CPPED1: variants seen among roughly 807,000 people sequenced by gnomAD.
The protein encoded by CPPED1 is serine/threonine-protein phosphatase CPPED1.
A neutral mutation model predicts 28.0 loss-of-function variants in CPPED1; 28 were observed. The observed-to-expected ratio is 1.00, with a 90% CI of 0.74 to 1.37. CPPED1 has a LOEUF of 1.37. Among genes scored for constraint, CPPED1 ranks in the 40% most tolerant of loss-of-function variants. CPPED1 has a pLI of 0.00. For missense variants in CPPED1, 504 were observed against 416.5 expected (o/e 1.21, Z -1.83); for synonymous variants, 198 against 180.2 (o/e 1.10, Z -0.79).
intron 1 of CPPED1, among the ~76,000 whole-genome samples, chr16:12,790,157 C>T (rs1191927638): frequency 6.6e-6 from 1 of 152,188 alleles, no homozygotes; most frequent in African/African-American, 2.4e-5. Context: ...TTAATCTTTC[C>T]TATGAGCCTC....
At chr16:12,669,649 G>A (rs976995443) in intron 3 of CPPED1, among the ~76,000 whole-genome samples, 2 of 152,146 alleles carry the variant, frequency 1.3e-5, no homozygotes, top group Admixed American at 6.6e-5. Context: ...ATATACATAG[G>A]CCAGTACATA....
chr16:12,664,497 G>T lies in CPPED1; in HGVS notation c.*389C>A. On this transcript the variant is annotated 3_prime_UTR_variant, in exon 4 of 4. Transcript: ENST00000381774. The surrounding 1 kb of genome is among the most constrained non-coding windows in gnomAD (Gnocchi z 4.2). ...TACAATCAGGTGTAGTTTGTTTAAGGAATTATCAAAGATCATACTTGGCTG... is the reference window on the plus strand; with the variant it reads ...TACAATCAGGTGTAGTTTGTTTAAGTAATTATCAAAGATCATACTTGGCTG... 3 of 1,055,476 alleles carry T rather than the reference G, an allele frequency of 2.8e-6. No individual in the cohort carries two copies. Among genetic ancestry groups the T allele is most frequent in the Non-Finnish European group, 3.4e-6 (3 of 874,846 alleles). 65.4% of individuals were successfully genotyped at this position (1,055,476 alleles called of 1,614,324 possible). A position where few individuals can be genotyped will look rare whatever the true frequency, so the allele number is the denominator to read the frequency against.
chr16:12,790,653 G>T (rs2080590463), intron 1 of CPPED1, among the ~76,000 whole-genome samples: 1 of 152,130 alleles, frequency 6.6e-6, no homozygotes, highest in African/African-American at 2.4e-5. Context: ...GGTCGCGGTG[G>T]CTCACGCCTG....
chr16:12,766,879 C>A (rs73506401), intron 2 of CPPED1, among the ~76,000 whole-genome samples: 2 of 152,250 alleles, frequency 1.3e-5, no homozygotes, highest in African/African-American at 4.8e-5. Context: ...CTGCCATAGC[C>A]GATTTGCCTA....
chr16:12,738,054 G>A (rs1308930550), intron 2 of CPPED1, among the ~76,000 whole-genome samples: 1 of 152,200 alleles, frequency 6.6e-6, no homozygotes, highest in African/African-American at 2.4e-5. Flanking sequence ...TGGCAGATGC[G>A]TCGTGGCTTG....
At chr16:12,774,681 G>C (rs1179435538) in intron 2 of CPPED1, among the ~76,000 whole-genome samples, 3 of 152,192 alleles carry the variant, frequency 2.0e-5, no homozygotes, top group African/African-American at 7.2e-5. Flanking sequence ...GTTCTGAGAG[G>C]TGGGGCTTTT....
intron 3 of CPPED1, among the ~76,000 whole-genome samples, chr16:12,700,812 G>C (rs1395543316): frequency 6.6e-6 from 1 of 152,214 alleles, no homozygotes; most frequent in African/African-American, 2.4e-5. Context: ...TCAGGGAGCT[G>C]AGAGTTTAGC....
At chr16:12,684,230 C>A (rs948711905) in intron 3 of CPPED1, among the ~76,000 whole-genome samples, 21 of 152,130 alleles carry the variant, frequency 1.4e-4, no homozygotes, top group Admixed American at 9.2e-4. Flanking sequence ...AAATGCAAAA[C>A]CTGGGCACAG....
intron 2 of CPPED1, among the ~76,000 whole-genome samples, chr16:12,780,154 G>A (rs561258872): frequency 5.3e-5 from 8 of 152,164 alleles, no homozygotes; most frequent in Non-Finnish European, 1.0e-4. Flanking sequence ...AGAGGGGTAT[G>A]AGCCTGGGAC....
chr16:12,792,500 G>A (rs2080602566), intron 1 of CPPED1, among the ~76,000 whole-genome samples: 1 of 152,142 alleles, frequency 6.6e-6, no homozygotes, highest in African/African-American at 2.4e-5. Context: ...GAAAAACCCT[G>A]TTTAAGACAT....
At chr16:12,737,223 A>G (rs2080231511) in intron 2 of CPPED1, among the ~76,000 whole-genome samples, 1 of 152,064 alleles carries the variant, frequency 6.6e-6, no homozygotes, top group Admixed American at 6.6e-5. Flanking sequence ...AAAAAAAATC[A>G]GAGATCATTT....
At chr16:12,733,478 T>C (rs1225409872) in intron 2 of CPPED1, among the ~76,000 whole-genome samples, 2 of 152,160 alleles carry the variant, frequency 1.3e-5, no homozygotes, top group Non-Finnish European at 2.9e-5. Flanking sequence ...TTTCAGCATG[T>C]TGGCCAGGCT....
chr16:12,730,938 G>C (rs1260525627), intron 2 of CPPED1, among the ~76,000 whole-genome samples: 1 of 152,080 alleles, frequency 6.6e-6, no homozygotes, highest in Non-Finnish European at 1.5e-5. Context: ...TTGGGTATAG[G>C]AATAAAAAGA....
At chr16:12,687,571 G>C (rs1362092969) in intron 3 of CPPED1, among the ~76,000 whole-genome samples, 32 of 152,148 alleles carry the variant, frequency 2.1e-4, no homozygotes, top group Admixed American at 2.1e-3. Context: ...AGGAATTTGA[G>C]GCCAGCCTGG....
chr16:12,674,823 G>C (rs1054133514), intron 3 of CPPED1, among the ~76,000 whole-genome samples: 2 of 152,110 alleles, frequency 1.3e-5, no homozygotes, highest in Non-Finnish European at 2.9e-5. Context: ...CTGTGAGTTG[G>C]CATTTCCTCT....
At chr16:12,789,601 C>G (rs1427967960) in intron 1 of CPPED1, among the ~76,000 whole-genome samples, 2 of 152,172 alleles carry the variant, frequency 1.3e-5, no homozygotes, top group African/African-American at 4.8e-5. Flanking sequence ...CCTTGGTTCA[C>G]TGCAACTTCC....
intron 3 of CPPED1, among the ~76,000 whole-genome samples, chr16:12,680,100 C>A (rs754623677): frequency 2.2e-4 from 34 of 152,142 alleles, no homozygotes; most frequent in Admixed American, 4.6e-4. Flanking sequence ...ACTTACTGGT[C>A]CCATTCAGTT....
At chr16:12,751,558 C>T (rs1054847735) in intron 2 of CPPED1, among the ~76,000 whole-genome samples, 1 of 152,212 alleles carries the variant, frequency 6.6e-6, no homozygotes, top group Non-Finnish European at 1.5e-5. Context: ...ACAAAGACAA[C>T]AGCCATACCC....
intron 2 of CPPED1, among the ~76,000 whole-genome samples, chr16:12,743,333 A>C (rs140997078): frequency 1.8e-4 from 28 of 152,318 alleles, no homozygotes; most frequent in African/African-American, 6.5e-4. Context: ...ACCACACAAA[A>C]GCCAATCCCA....
Sources: gnomAD v4.1 joint callset for allele counts (sites outside exome capture counted in the v4.1 genomes callset) on GRCh38, gnomAD v4.1.1 for gene constraint, Gnocchi (gnomAD v3.1) non-coding constraint, MANE v1.5 for transcripts, NCBI Gene and HGNC (gene_info 2026-07-23, HGNC 2026-07-21) for gene names.